The following TIPARP variants were observed in gnomAD, a reference collection of about 807,000 sequenced individuals.
TIPARP encodes the protein TCDD inducible poly(ADP-ribose) polymerase, also known as protein mono-ADP-ribosyltransferase TIPARP.
Under a neutral mutation model 56.5 loss-of-function variants are expected in TIPARP, and 12 were observed. The observed-to-expected ratio is 0.21, with a 90% CI of 0.14 to 0.34. The LOEUF is 0.34. Ranked by LOEUF, TIPARP falls within the 10% of genes least tolerant of loss-of-function variation. The pLI is 1.00. For synonymous variants in TIPARP, 296 were observed against 265.7 expected, an observed-to-expected ratio of 1.11 and a Z score of -1.11; for missense variants, 604 against 781.6, an observed-to-expected ratio of 0.77 and a Z score of 2.71.
chr3:156,704,400 G>C (rs1218367753), intron 5 of TIPARP, among the ~76,000 whole-genome samples: 2 of 152,202 alleles, frequency 1.3e-5, no homozygotes, highest in Admixed American at 1.3e-4. Flanking sequence ...GAGACCCTCA[G>C]ATTGGAGGAA....
At chr3:156,702,610 G>T (rs1251622162) in intron 4 of TIPARP, among the ~76,000 whole-genome samples, 1 of 152,136 alleles carries the variant, frequency 6.6e-6, no homozygotes, top group Non-Finnish European at 1.5e-5. Flanking sequence ...TCAGGGTCAG[G>T]ATTTCCTTGC....
intron 4 of TIPARP, among the ~76,000 whole-genome samples, chr3:156,699,204 C>T (rs1577041662): frequency 1.3e-5 from 2 of 152,300 alleles, no homozygotes; most frequent in Admixed American, 6.5e-5. Flanking sequence ...TGGAATATTA[C>T]ATCAACTTAG....
chr3:156,696,259 T>C lies in TIPARP; in HGVS notation c.1247+234T>C, dbSNP rs1021107050. Among the ~76,000 whole-genome samples the C allele has an allele frequency of 2.6e-5, 4 of 152,306 alleles. 1 individual carries two copies. The highest frequency in any genetic ancestry group is 6.5e-5 in the Admixed American group (1 of 15,290). ...TATTGGATTTTTTAGAGTTAACATT[T>C]TTCCACAACTAAATATAATTGTGTC... On this transcript the variant is annotated intron_variant, in intron 4 of 5. Coordinates refer to ENST00000295924, the MANE Select transcript of TIPARP (RefSeq NM_015508.5).
intron 4 of TIPARP, among the ~76,000 whole-genome samples, chr3:156,698,814 T>C (rs1175424200): frequency 1.3e-5 from 2 of 152,234 alleles, no homozygotes; most frequent in Non-Finnish European, 2.9e-5. Flanking sequence ...AGTGGTTCCT[T>C]TAATGGATCT....
rs762738043 is a variant in TIPARP, at chr3:156,703,493, C to T, written c.1317C>T (p.Cys439=). ...LEATSSSQII[C]PDGVTSANFY... ...CAACTTCATCATCACAAATTATCTG[C>T]CCAGATGGGGTCACTTCAGCAAACT... The change falls in exon 5 of 6, where the codon TGC becomes TGT. Residue 439 remains cysteine (C), a synonymous_variant. Coordinates refer to ENST00000295924, the MANE Select transcript of TIPARP (RefSeq NM_015508.5). 6.2e-7 allele frequency: 1 copy of T among 1,614,186 alleles called. No homozygotes were observed. The highest frequency in any genetic ancestry group is 1.7e-5 in the Admixed American group (1 of 60,026).
chr3:156,681,308 T>C (rs1722298093), intron 2 of TIPARP: 1 of 387,904 alleles, frequency 2.6e-6, no homozygotes, highest in Non-Finnish European at 5.2e-6. Flanking sequence ...GCTGTGTATA[T>C]GTCGAAGTTG....
intron 4 of TIPARP, among the ~76,000 whole-genome samples, chr3:156,698,628 A>G (rs1229666246): frequency 1.3e-5 from 2 of 152,224 alleles, no homozygotes; most frequent in Non-Finnish European, 2.9e-5. Flanking sequence ...TCAAACTATT[A>G]CTGCTCATTG....
chr3:156,685,575 A>G (rs1722409778), intron 2 of TIPARP, among the ~76,000 whole-genome samples: 1 of 152,232 alleles, frequency 6.6e-6, no homozygotes, highest in Non-Finnish European at 1.5e-5. Flanking sequence ...GCCTCTGAGT[A>G]TAAGGAAGGA....
In TIPARP at chr3:156,677,856, G is replaced by A. The variant is rs1233397826; in HGVS notation, c.159G>A (p.Leu53=). The A allele has an allele frequency of 1.9e-6, 3 of 1,614,184 alleles. No individual in the cohort carries two copies. The East Asian group carries it at 6.7e-5, about 36-fold the overall frequency. Residue 53 remains leucine (L), a synonymous_variant, in exon 2 of 6, where the codon CTG becomes CTA. Transcript: ENST00000295924. Reference sequence around the variant, plus strand: ...AGAAAAGATTGGGAACTGGAACCCTGAGGTCTTTGAGGCCAATATTAAACA... The same window carrying A: ...AGAAAAGATTGGGAACTGGAACCCTAAGGTCTTTGAGGCCAATATTAAACA... ...KDQKRLGTGT[L]RSLRPILNTL... is the part of the protein sequence containing the mutation.
chr3:156,691,140 C>G (rs919822584), intron 2 of TIPARP, among the ~76,000 whole-genome samples: 1 of 152,156 alleles, frequency 6.6e-6, no homozygotes, highest in Non-Finnish European at 1.5e-5. Flanking sequence ...CCTGTCTCCA[C>G]CCGTCTTTCA....
At chr3:156,690,777 CT>C (rs1445944387) in intron 2 of TIPARP, among the ~76,000 whole-genome samples, 1 of 152,072 alleles carries the variant, frequency 6.6e-6, no homozygotes, top group Non-Finnish European at 1.5e-5. Flanking sequence ...TACCCATACT[CT>C]TTTTTGGCTG....
At chr3:156,691,243 C>A (rs981973768) in intron 2 of TIPARP, among the ~76,000 whole-genome samples, 1 of 152,118 alleles carries the variant, frequency 6.6e-6, no homozygotes, top group Non-Finnish European at 1.5e-5. Context: ...TTCTAAGATT[C>A]TTCTTCTTGC....
At chr3:156,693,723 A>C (rs1443384564) in intron 2 of TIPARP, among the ~76,000 whole-genome samples, 1 of 152,166 alleles carries the variant, frequency 6.6e-6, no homozygotes, top group Non-Finnish European at 1.5e-5. Context: ...CCCACTGTAG[A>C]GTGGAGGGTG....
At chr3:156,686,812 A>G (rs1396806509) in intron 2 of TIPARP, among the ~76,000 whole-genome samples, 1 of 152,162 alleles carries the variant, frequency 6.6e-6, no homozygotes, top group Admixed American at 6.5e-5. Context: ...GAGGTATTTG[A>G]AAGCAACTTA....
At chr3:156,685,338 C>T (rs1027285801) in intron 2 of TIPARP, among the ~76,000 whole-genome samples, 3 of 152,220 alleles carry the variant, frequency 2.0e-5, no homozygotes, top group African/African-American at 7.2e-5. Context: ...AAGTAAAGAA[C>T]CTTTGCATGG....
At chr3:156,692,223 A>G (rs900127614) in intron 2 of TIPARP, among the ~76,000 whole-genome samples, 1 of 152,114 alleles carries the variant, frequency 6.6e-6, no homozygotes, top group African/African-American at 2.4e-5. Context: ...ACAGGGAGAA[A>G]GTTTTTTATC....
At position 156,677,916 on chromosome 3, in the gene TIPARP, T is replaced by C. The variant is rs879099061; in HGVS notation, c.219T>C (p.Phe73=). 6.2e-7 allele frequency: 1 copy of C among 1,614,156 alleles called. No individual in the cohort carries two copies. The highest frequency in any genetic ancestry group is 1.3e-5 in the African/African-American group (1 of 75,040). Reference sequence around the variant, plus strand: ...AATCTGGCTCACTTGATGGGGTTTTTAGATCTAGGAACCAGAGTACAGATG... The same window carrying C: ...AATCTGGCTCACTTGATGGGGTTTTCAGATCTAGGAACCAGAGTACAGATG... The part of the protein sequence containing the change: ...LLESGSLDGV[F]RSRNQSTDEN... The change falls in exon 2 of 6, where the codon TTT becomes TTC. Residue 73 remains phenylalanine (F), a synonymous_variant. Transcript: ENST00000295924.
intron 5 of TIPARP, among the ~76,000 whole-genome samples, chr3:156,704,355 G>A (rs62277392): frequency 0.032 from 4,865 of 152,204 alleles, 112 homozygotes; most frequent in Non-Finnish European, 0.048. Flanking sequence ...CAAATGGAGG[G>A]AATACATTTA....
In TIPARP at chr3:156,702,019, CGGTGGTGGTGGTGGTGGTGGTGGTGGT is replaced by C. The variant is rs67188281; in HGVS notation, c.1248-1377_1248-1351del. On this transcript the variant is annotated intron_variant, in intron 4 of 5. Transcript: ENST00000295924. ...AAAAGACTGTGTGTTGATGATAATG[CGGTGGTGGTGGTGGTGGTGGTGGTGGT>C]GGTGGTGGTGGTGGTGGTGGTGGTG... Among the ~76,000 whole-genome samples the C allele has an allele frequency of 1.9e-3, 186 of 98,660 alleles. 1 individual carries two copies. Among genetic ancestry groups the C allele is most frequent in the African/African-American group, 7.1e-3 (173 of 24,538 alleles). The allele number at this position is 98,660 out of a possible 152,430, so 64.7% of individuals were successfully genotyped here.
Sources: allele counts gnomAD v4.1 joint callset (sites outside exome capture counted in the v4.1 genomes callset), GRCh38; gene constraint gnomAD v4.1.1; transcripts MANE v1.5; gene names NCBI Gene and HGNC (gene_info 2026-07-23, HGNC 2026-07-21).